Variants in WASF1 observed in about 807,000 individuals in gnomAD.
WASF1 encodes the protein actin-binding protein WASF1.
Under a neutral mutation model 50.5 loss-of-function variants are expected in WASF1, and 7 were observed. The observed-to-expected ratio is 0.14, with a 90% CI of 0.08 to 0.26. WASF1 has a LOEUF of 0.26. WASF1 is among the 10% of genes least tolerant of loss of function. The probability of loss-of-function intolerance (pLI) is 1.00; values close to 1 mark genes in which losing one functional copy is unlikely to be tolerated. For synonymous variants in WASF1, 205 were observed against 244.0 expected, an observed-to-expected ratio of 0.84 and a Z score of 1.49; for missense variants, 470 against 694.7, an observed-to-expected ratio of 0.68 and a Z score of 3.64.
intron 3 of WASF1, among the ~76,000 whole-genome samples, chr6:110,134,884 GT>G (rs201994950): frequency 5.9e-5 from 9 of 151,770 alleles, no homozygotes; most frequent in African/African-American, 1.9e-4. Flanking sequence ...AATTTTGGGA[GT>G]TTTTTTTCTA....
At chr6:110,110,465 G>A (rs1318761819) in intron 5 of WASF1, among the ~76,000 whole-genome samples, 1 of 152,160 alleles carries the variant, frequency 6.6e-6, no homozygotes, top group African/African-American at 2.4e-5. Flanking sequence ...ATGAAACCTA[G>A]TGTTTAATCT....
intron 3 of WASF1, among the ~76,000 whole-genome samples, chr6:110,141,477 A>G (rs550607811): frequency 1.6e-4 from 25 of 152,300 alleles, no homozygotes; most frequent in Admixed American, 6.5e-4. Flanking sequence ...AGATGTAACC[A>G]TCTACTCTTT....
intron 3 of WASF1, among the ~76,000 whole-genome samples, chr6:110,147,207 G>A (rs35265701): frequency 0.086 from 13,000 of 150,354 alleles, 845 homozygotes; most frequent in African/African-American, 0.19. Flanking sequence ...TTAGCCGGGC[G>A]TGGTGGCGGG....
intron 3 of WASF1, among the ~76,000 whole-genome samples, chr6:110,150,057 TG>T (rs1475031859): frequency 6.6e-6 from 1 of 152,200 alleles, no homozygotes; most frequent in Non-Finnish European, 1.5e-5. Flanking sequence ...CTCGACAAAT[TG>T]GCCTCCCAAA....
chr6:110,154,552 G>A (rs570915026), intron 3 of WASF1, among the ~76,000 whole-genome samples: 62 of 151,776 alleles, frequency 4.1e-4, no homozygotes, highest in African/African-American at 1.4e-3. Flanking sequence ...AGAAGCAATG[G>A]GCATAAAAAT....
At chr6:110,101,353 CAAT>C (rs1773076525) in intron 10 of WASF1, among the ~76,000 whole-genome samples, 1 of 151,914 alleles carries the variant, frequency 6.6e-6, no homozygotes, top group Non-Finnish European at 1.5e-5. Context: ...CTCATTCACT[CAAT>C]AAACATTTTA....
intron 3 of WASF1, among the ~76,000 whole-genome samples, chr6:110,146,827 T>C (rs1000225595): frequency 7.2e-5 from 11 of 152,114 alleles, no homozygotes; most frequent in African/African-American, 2.4e-4. Flanking sequence ...ATCATAAATT[T>C]CCTCTTTGTT....
chr6:110,118,340 C>T (rs1044148955), intron 4 of WASF1, among the ~76,000 whole-genome samples: 11 of 37,922 alleles, frequency 2.9e-4, no homozygotes, highest in East Asian at 9.6e-4. Flanking sequence ...ACCAAGCAAA[C>T]GGAAAGCAAA....
intron 4 of WASF1, among the ~76,000 whole-genome samples, chr6:110,116,078 T>A (rs1583938800): frequency 6.6e-6 from 1 of 152,084 alleles, no homozygotes; most frequent in Admixed American, 6.5e-5. Flanking sequence ...GACGGCTGAA[T>A]AGGAACAGCT....
intron 3 of WASF1, among the ~76,000 whole-genome samples, chr6:110,152,191 C>T (rs1051310803): frequency 1.3e-5 from 2 of 152,086 alleles, no homozygotes; most frequent in African/African-American, 4.8e-5. Flanking sequence ...CTTTCTCCAG[C>T]TGACAACGGA....
intron 3 of WASF1, 41 bp from the exon 4 acceptor site, chr6:110,127,670 G>C (rs765569351): frequency 1.4e-4 from 203 of 1,429,866 alleles, no homozygotes; most frequent in Non-Finnish European, 1.8e-4. Flanking sequence ...TTAAATTTCA[G>C]CCAACACAGA....
At chr6:110,147,000 A>G (rs1775594566) in intron 3 of WASF1, among the ~76,000 whole-genome samples, 1 of 152,174 alleles carries the variant, frequency 6.6e-6, no homozygotes, top group Non-Finnish European at 1.5e-5. Context: ...TTGGTTTAAA[A>G]AAAACTGCCC....
chr6:110,164,406 C>A (rs1053980533), intron 2 of WASF1, among the ~76,000 whole-genome samples: 2 of 151,624 alleles, frequency 1.3e-5, no homozygotes, highest in Non-Finnish European at 3.0e-5. Context: ...TCAACAAATA[C>A]TTCACCAAAA....
intron 8 of WASF1, 59 bp from the exon 9 acceptor site, chr6:110,103,616 T>C: frequency 7.1e-7 from 1 of 1,399,930 alleles, no homozygotes; most frequent in East Asian, 2.4e-5. Context: ...GAAAGGGTTC[T>C]ACATGAGATA....
intron 3 of WASF1, among the ~76,000 whole-genome samples, chr6:110,148,011 T>G (rs1476046458): frequency 6.6e-6 from 1 of 152,142 alleles, no homozygotes; most frequent in East Asian, 1.9e-4. Context: ...CCTTTCAAAG[T>G]GCTAGGATTA....
At chr6:110,114,898 C>T (rs1383674233) in intron 4 of WASF1, among the ~76,000 whole-genome samples, 1 of 151,564 alleles carries the variant, frequency 6.6e-6, no homozygotes, top group Non-Finnish European at 1.5e-5. Context: ...TTGAGACCAG[C>T]CTGAACAACA....
At chr6:110,132,480 T>C (rs1464536156) in intron 3 of WASF1, among the ~76,000 whole-genome samples, 2 of 151,922 alleles carry the variant, frequency 1.3e-5, no homozygotes, top group African/African-American at 4.8e-5. Context: ...ATACGGTTTT[T>C]TTTGTGGTTA....
intron 3 of WASF1, among the ~76,000 whole-genome samples, chr6:110,155,332 C>T (rs77227733): frequency 0.073 from 11,061 of 151,976 alleles, 547 homozygotes; most frequent in African/African-American, 0.14. Flanking sequence ...TTTGGTTAAA[C>T]TATTTTGCCA....
chr6:110,145,287 T>C (rs922901136), intron 3 of WASF1, among the ~76,000 whole-genome samples: 1 of 152,228 alleles, frequency 6.6e-6, no homozygotes, highest in Admixed American at 6.5e-5. Flanking sequence ...TAAGAATGCT[T>C]GTGATTTTTG....
Sources: gnomAD v4.1 joint callset for allele counts (sites outside exome capture counted in the v4.1 genomes callset) on GRCh38, gnomAD v4.1.1 for gene constraint, MANE v1.5 for transcripts, NCBI Gene and HGNC (gene_info 2026-07-23, HGNC 2026-07-21) for gene names.